Variants in TENM3 observed in about 807,000 individuals in gnomAD.
The protein encoded by TENM3 is teneurin transmembrane protein 3.
TENM3 carries 63 observed loss-of-function variants against 255.1 expected under a neutral mutation model. The observed-to-expected ratio is 0.25, with a 90% CI of 0.20 to 0.30. TENM3 has a LOEUF of 0.30. Among genes scored for constraint, TENM3 ranks in the 10% least tolerant of loss-of-function variants. The pLI is 1.00. For missense variants in TENM3, 2,929 were observed against 3,461.1 expected, an observed-to-expected ratio of 0.85 and a Z score of 3.86; for synonymous variants, 1,306 against 1,322.3, an observed-to-expected ratio of 0.99 and a Z score of 0.27.
At chr4:182,250,155 C>T (rs1757918346) in intron 1 of TENM3, among the ~76,000 whole-genome samples, 1 of 150,378 alleles carries the variant, frequency 6.6e-6, no homozygotes, top group African/African-American at 2.5e-5. Context: ...TGGGTTCACG[C>T]CATTCTCCTG....
chr4:182,380,161 C>T (rs1767466922), intron 3 of TENM3, among the ~76,000 whole-genome samples: 1 of 152,204 alleles, frequency 6.6e-6, no homozygotes, highest in African/African-American at 2.4e-5. Context: ...ATCCCGGCTA[C>T]TCTCGAGGCT....
At chr4:182,393,006 G>T (rs1346343222) in intron 3 of TENM3, among the ~76,000 whole-genome samples, 1 of 152,194 alleles carries the variant, frequency 6.6e-6, no homozygotes, top group Non-Finnish European at 1.5e-5. Context: ...AATGGAGAAA[G>T]AAAGTAAAGA....
At chr4:182,148,378 A>C (rs1750104289) in intron 1 of TENM3, among the ~76,000 whole-genome samples, 1 of 152,134 alleles carries the variant, frequency 6.6e-6, no homozygotes, top group Non-Finnish European at 1.5e-5. Flanking sequence ...CATAATTAAA[A>C]CATCCTATTG....
intron 3 of TENM3, among the ~76,000 whole-genome samples, chr4:182,356,763 A>T (rs1330463935): frequency 6.6e-6 from 1 of 151,742 alleles, no homozygotes; most frequent in African/African-American, 2.4e-5. Context: ...CATGTGCACA[A>T]TGTGCAGGTT....
At chr4:182,771,692 T>C (rs1297513893) in intron 22 of TENM3, among the ~76,000 whole-genome samples, 1 of 152,240 alleles carries the variant, frequency 6.6e-6, no homozygotes, top group Non-Finnish European at 1.5e-5. Flanking sequence ...CTGCGCTGCT[T>C]GTTCTTAAAT....
chr4:181,926,876 G>A, the TENM3 span, among the ~76,000 whole-genome samples: 1 of 151,824 alleles, frequency 6.6e-6, no homozygotes, highest in Non-Finnish European at 1.5e-5. Flanking sequence ...CAGAAGCAGG[G>A]TGGGGCATCA....
At chr4:181,645,337 C>T in the TENM3 span, among the ~76,000 whole-genome samples, 2 of 152,294 alleles carry the variant, frequency 1.3e-5, no homozygotes, top group Admixed American at 6.5e-5. Context: ...AGAACATCAG[C>T]ATGGTGCCCC....
intron 3 of TENM3, among the ~76,000 whole-genome samples, chr4:182,385,479 G>A (rs1767855177): frequency 6.6e-6 from 1 of 151,972 alleles, no homozygotes; most frequent in South Asian, 2.1e-4. Flanking sequence ...TGGCCAGGCT[G>A]GTCTCGAACC....
At chr4:182,705,592 A>G (rs868767636) in intron 12 of TENM3, among the ~76,000 whole-genome samples, 10 of 152,190 alleles carry the variant, frequency 6.6e-5, no homozygotes, top group African/African-American at 1.7e-4. Flanking sequence ...CCTGACGTCT[A>G]TATAACCCGC....
chr4:181,690,240 G>GCACACA, the TENM3 span, among the ~76,000 whole-genome samples: 5,671 of 150,450 alleles, frequency 0.038, 289 homozygotes, highest in African/African-American at 0.12. Context: ...GCGTGAGCGT[G>GCACACA]CACACACACA....
At chr4:181,467,192 C>T in the TENM3 span, among the ~76,000 whole-genome samples, 6 of 140,826 alleles carry the variant, frequency 4.3e-5, no homozygotes, top group Non-Finnish European at 6.1e-5. Flanking sequence ...TACAATGGCA[C>T]GATCTTGGCT....
chr4:181,893,623 A>T, the TENM3 span, among the ~76,000 whole-genome samples: 2 of 151,926 alleles, frequency 1.3e-5, no homozygotes, highest in Non-Finnish European at 2.9e-5. Flanking sequence ...ATTGACATTT[A>T]TATTTGTGCT....
intron 1 of TENM3, among the ~76,000 whole-genome samples, chr4:182,161,671 A>ATGTG (rs1452487008): frequency 1.3e-4 from 15 of 117,818 alleles, no homozygotes; most frequent in South Asian, 2.9e-4. Flanking sequence ...ACAAATATAT[A>ATGTG]TATGTATATA....
intron 3 of TENM3, among the ~76,000 whole-genome samples, chr4:182,399,720 C>T (rs1769099874): frequency 2.0e-5 from 3 of 152,206 alleles, no homozygotes. Flanking sequence ...AAACATACCC[C>T]AAACTGCTAT....
At chr4:182,423,135 C>T (rs1770961952) in intron 3 of TENM3, among the ~76,000 whole-genome samples, 1 of 152,124 alleles carries the variant, frequency 6.6e-6, no homozygotes, top group Admixed American at 6.5e-5. Context: ...TTTCTGCTGT[C>T]GTGGCCTTTC....
At chr4:182,025,020 A>ATTTTT in the TENM3 span, among the ~76,000 whole-genome samples, 3 of 121,146 alleles carry the variant, frequency 2.5e-5, no homozygotes, top group African/African-American at 6.7e-5. Context: ...ACAGGATTTC[A>ATTTTT]TTTTTTTTTT....
At chr4:182,772,446 A>G (rs1318972415) in intron 22 of TENM3, 1 of 152,110 alleles carries the variant, frequency 6.6e-6, no homozygotes, top group African/African-American at 2.4e-5. Context: ...TCTCCATCTC[A>G]CTGGGAACCT....
chr4:182,209,800 G>A (rs1754869817), intron 1 of TENM3, among the ~76,000 whole-genome samples: 1 of 151,976 alleles, frequency 6.6e-6, no homozygotes, highest in Non-Finnish European at 1.5e-5. Flanking sequence ...AGCCCGTGGG[G>A]GTACTGATGG....
chr4:182,692,807 G>A (rs1040682944), intron 12 of TENM3, among the ~76,000 whole-genome samples: 13 of 152,104 alleles, frequency 8.5e-5, no homozygotes, highest in East Asian at 3.9e-4. Flanking sequence ...TGGAGGTTTC[G>A]TCAGTTCTTT....
Sources: allele counts gnomAD v4.1 joint callset (sites outside exome capture counted in the v4.1 genomes callset), GRCh38; gene constraint gnomAD v4.1.1; transcripts MANE v1.5; gene names NCBI Gene and HGNC (gene_info 2026-07-23, HGNC 2026-07-21).